Variants in EPHA8 observed in about 807,000 individuals in gnomAD.
EPHA8 encodes the protein EPH receptor A8.
EPHA8 carries 58 observed loss-of-function variants against 103.6 expected under a neutral mutation model. That is an observed-to-expected ratio of 0.56 (90% CI 0.45 to 0.70). The LOEUF is 0.70. Ranked by LOEUF, EPHA8 falls within the 30% of genes least tolerant of loss-of-function variation. The pLI is 0.00. For missense variants in EPHA8, 1,304 were observed against 1,395.2 expected, an observed-to-expected ratio of 0.93 and a Z score of 1.04; for synonymous variants, 559 against 572.5, an observed-to-expected ratio of 0.98 and a Z score of 0.34.
chr1:22,585,973 C>G (rs527913112), intron 3 of EPHA8, among the ~76,000 whole-genome samples: 191 of 152,260 alleles, frequency 1.3e-3, no homozygotes, highest in Non-Finnish European at 1.8e-3. Context: ...GTGTCCCCCC[C>G]CTTTCTAGTC....
chr1:22,592,187 C>T (rs1346227876), intron 5 of EPHA8, among the ~76,000 whole-genome samples: 2 of 152,186 alleles, frequency 1.3e-5, no homozygotes, highest in Admixed American at 6.5e-5. Context: ...GGAGCCCTCT[C>T]GGACGCGAAC....
In EPHA8 at chr1:22,565,374, C is replaced by T. The variant is rs1051182806; in HGVS notation, c.94+1645C>T. Among the ~76,000 whole-genome samples, 17 of 152,052 alleles carry T rather than the reference C, an allele frequency of 1.1e-4. No individual in the cohort carries two copies. In the South Asian group the frequency reaches 1.2e-3, roughly 11 times the overall value. Reference sequence around the variant, plus strand: ...GTGGGTGTAACAAGGCACAGGTTCCCGGGGCACCAGGAGAGGTCTGGGGTT... The same window carrying T: ...GTGGGTGTAACAAGGCACAGGTTCCTGGGGCACCAGGAGAGGTCTGGGGTT... On this transcript the variant is annotated intron_variant, in intron 1 of 16. Transcript: ENST00000166244.
Position 22,569,186 on chromosome 1 carries a change from T to C in EPHA8, c.95-103T>C, listed in dbSNP as rs1640453940. 3 of 1,113,566 alleles carry C rather than the reference T, an allele frequency of 2.7e-6. No homozygotes were observed. The East Asian group carries it at 7.2e-5, about 27-fold the overall frequency. The allele number at this position is 1,113,566 out of a possible 1,614,324, so 69.0% of individuals were successfully genotyped here. A position where few individuals can be genotyped will look rare whatever the true frequency, so the allele number is the denominator to read the frequency against. On this transcript the variant is annotated intron_variant, in intron 1 of 16. Transcript: ENST00000166244. This position sits in a 1 kb window ranked among gnomAD's most constrained non-coding sequence, Gnocchi z 4.5. ...GGCAGAGGGACCCGTGTGAGCTGTG[T>C]GCTGGGGGCTGAGTGTGGACCAGTG... is the stretch of plus-strand genomic sequence containing the variant.
At chr1:22,568,022 C>G (rs1181807172) in intron 1 of EPHA8, among the ~76,000 whole-genome samples, 1 of 152,230 alleles carries the variant, frequency 6.6e-6, no homozygotes, top group Non-Finnish European at 1.5e-5. Flanking sequence ...GCCCTGATTT[C>G]TAAACAGCAT....
intron 4 of EPHA8, among the ~76,000 whole-genome samples, chr1:22,587,828 C>A (rs1326535328): frequency 6.6e-6 from 1 of 152,214 alleles, no homozygotes; most frequent in African/African-American, 2.4e-5. Flanking sequence ...TGTGCACATA[C>A]ACACAGACAC....
In EPHA8 at chr1:22,567,451, G is replaced by A. The variant is rs539246420; in HGVS notation, c.95-1838G>A. Among the ~76,000 whole-genome samples, 145 of 152,280 alleles carry A rather than the reference G, an allele frequency of 9.5e-4. 2 individuals are homozygous for A. Among genetic ancestry groups the A allele is most frequent in the South Asian group, 1.9e-3 (9 of 4,822 alleles). ...CCTTCTCTCTGCCTCTGCCCCTGGC[G>A]TGGGGCCGGCTTGGGGAGGGGGAGG... On this transcript the variant is annotated intron_variant, in intron 1 of 16. Transcript: ENST00000166244. The surrounding 1 kb of genome is among the most constrained non-coding windows in gnomAD (Gnocchi z 4.2).
intron 7 of EPHA8, 27 bp from the exon 8 acceptor site, chr1:22,595,203 T>TC (rs1461168607): frequency 6.3e-7 from 1 of 1,580,924 alleles, no homozygotes; most frequent in Non-Finnish European, 8.7e-7. Flanking sequence ...GAGAGCCTGG[T>TC]CCCCCAACCC....
chr1:22,586,671 C>A (rs1004063831), intron 4 of EPHA8, 36 bp downstream of exon 4: 5 of 1,605,682 alleles, frequency 3.1e-6, no homozygotes, highest in Non-Finnish European at 4.3e-6. Flanking sequence ...ACCCTTGAGC[C>A]CAAGACTGGG....
At chr1:22,581,481 G>T (rs181198895) in intron 3 of EPHA8, among the ~76,000 whole-genome samples, 1 of 152,328 alleles carries the variant, frequency 6.6e-6, no homozygotes, top group Admixed American at 6.5e-5. Flanking sequence ...TCGCTTGGAG[G>T]TCTCAGGTAA....
At position 22,602,152 on chromosome 1, in the gene EPHA8, T is replaced by A. The variant is rs1368206789; in HGVS notation, c.*411T>A. The A allele has an allele frequency of 3.8e-6, 1 of 263,958 alleles. No homozygotes were observed. The highest frequency in any genetic ancestry group is 2.3e-5 in the African/African-American group (1 of 42,962). 16.4% of individuals were successfully genotyped at this position (263,958 alleles called of 1,614,324 possible). ...ACCCCTTCGGGTCTCAGCATGGACG[T>A]GTGCATGTTATGAGCGTGTGCTTAT... On this transcript the variant is annotated 3_prime_UTR_variant, in exon 17 of 17. Transcript: ENST00000166244.
intron 8 of EPHA8, 129 bp downstream of exon 8, chr1:22,595,452 A>C: frequency 7.7e-6 from 5 of 649,466 alleles, no homozygotes; most frequent in Non-Finnish European, 1.4e-5. Flanking sequence ...ACACCACCTC[A>C]TTTAACCTAG....
chr1:22,588,472 C>T (rs1278583446), intron 4 of EPHA8, among the ~76,000 whole-genome samples: 1 of 152,190 alleles, frequency 6.6e-6, no homozygotes, highest in East Asian at 1.9e-4. Context: ...TCGGATCCGG[C>T]ACAGAAGGGT....
In EPHA8 at chr1:22,576,355, G is replaced by T. The variant is rs769718758; in HGVS notation, c.298G>T (p.Glu100Ter). Residue 100 changes from glutamate (E) to a stop codon, truncating the protein, a stop_gained, in exon 3 of 17, where the codon GAG becomes TAG. Transcript: ENST00000166244. LOFTEE classifies it high-confidence loss of function. The surrounding 1 kb of genome is among the most constrained non-coding windows in gnomAD (Gnocchi z 4.8). The part of the protein sequence containing the change: ...PRDGARRVYA[E>*]IKFTLRDCNS... ...AGACGGCGCCCGGCGCGTCTATGCT[G>T]AGATCAAGTTTACCCTGCGCGACTG... The T allele has an allele frequency of 6.2e-7, 1 of 1,613,680 alleles. No homozygotes were observed. Among genetic ancestry groups the T allele is most frequent in the East Asian group, 2.2e-5 (1 of 44,874 alleles).
rs1640276006 is a variant in EPHA8, at chr1:22,563,933, A to G, written c.94+204A>G. 6.6e-6 allele frequency among the ~76,000 whole-genome samples: 1 copy of G among 151,962 alleles called. No homozygotes were observed. Among genetic ancestry groups the G allele is most frequent in the Non-Finnish European group, 1.5e-5 (1 of 67,922 alleles). On this transcript the variant is annotated intron_variant, in intron 1 of 16. Transcript: ENST00000166244. This position sits in a 1 kb window ranked among gnomAD's most constrained non-coding sequence, Gnocchi z 4.4. ...AGATGGGAACCCGCGAGCTTGAGGA[A>G]GACGGACAGGTACCGGGGACTGGGG...
chr1:22,580,440 G>A (rs905809971), intron 3 of EPHA8, among the ~76,000 whole-genome samples: 6 of 152,040 alleles, frequency 3.9e-5, no homozygotes, highest in African/African-American at 1.2e-4. Flanking sequence ...CGTCCAACTC[G>A]CTCTCTGGTT....
chr1:22,585,048 T>TGTGTGTGTGTGTGCGC (rs1335581382), intron 3 of EPHA8, among the ~76,000 whole-genome samples: 2 of 111,284 alleles, frequency 1.8e-5, no homozygotes, highest in African/African-American at 9.0e-5. Flanking sequence ...TGTGTGTGTG[T>TGTGTGTGTGTGTGCGC]GTGCGCACGC....
Position 22,593,646 on chromosome 1 carries a change from C to A in EPHA8, c.1563C>A (p.Gly521=). The part of the protein sequence containing the change: ...QVRARTSAGC[G]RFSQAMEVET... ...GAGCCCGCACCTCAGCAGGCTGTGG[C>A]CGCTTCAGCCAGGCCATGGAGGTGG... Residue 521 remains glycine (G), a synonymous_variant, in exon 7 of 17, where the codon GGC becomes GGA. Transcript: ENST00000166244. The A allele has an allele frequency of 3.7e-6, 6 of 1,605,672 alleles. No individual in the cohort carries two copies. Among genetic ancestry groups the A allele is most frequent in the Non-Finnish European group, 5.1e-6 (6 of 1,176,522 alleles).
chr1:22,598,196 T>C lies in EPHA8; in HGVS notation c.2162T>C (p.Leu721Pro), dbSNP rs753297349. ...IVTEYMENGS[L>P]DTFLRTHDGQ... ...ACTGAGTACATGGAGAACGGCTCTC[T>C]GGACACCTTCCTGAGGGTGCGTGTC... The change falls in exon 12 of 17, where the codon CTG becomes CCG. Residue 721 changes from leucine to proline, a missense_variant. By Grantham distance (98) the Leu-to-Pro change is moderately conservative (BLOSUM62 -3). Coordinates refer to ENST00000166244, the MANE Select transcript of EPHA8 (RefSeq NM_020526.5). The surrounding 1 kb of genome is among the most constrained non-coding windows in gnomAD (Gnocchi z 5.1). 1 of 1,613,284 alleles carries C rather than the reference T, an allele frequency of 6.2e-7. No individual in the cohort carries two copies. Among genetic ancestry groups the C allele is most frequent in the South Asian group, 1.1e-5 (1 of 91,072 alleles).
chr1:22,586,478 A>C lies in EPHA8; in HGVS notation c.824-2A>C, dbSNP rs1389158936. ...CATGTGCAGCCGCCTTCTCCTCCACAGCCTGTGAGCTGGGCTTCTACAAGT... is the reference window on the plus strand; with the variant it reads ...CATGTGCAGCCGCCTTCTCCTCCACCGCCTGTGAGCTGGGCTTCTACAAGT... On this transcript the variant is annotated splice_acceptor_variant, in intron 3 of 16. Coordinates refer to ENST00000166244, the MANE Select transcript of EPHA8 (RefSeq NM_020526.5). LOFTEE classifies it high-confidence loss of function. 1 of 1,613,034 alleles carries C rather than the reference A, an allele frequency of 6.2e-7. No individual in the cohort carries two copies. The highest frequency in any genetic ancestry group is 1.3e-5 in the African/African-American group (1 of 75,002).
Sources: gnomAD v4.1 joint callset for allele counts (sites outside exome capture counted in the v4.1 genomes callset) on GRCh38, gnomAD v4.1.1 for gene constraint, Gnocchi (gnomAD v3.1) non-coding constraint, MANE v1.5 for transcripts, NCBI Gene and HGNC (gene_info 2026-07-23, HGNC 2026-07-21) for gene names.